CNTN1: variants seen among roughly 807,000 people sequenced by gnomAD.
CNTN1 encodes the protein contactin-1.
Under a neutral mutation model 126.4 loss-of-function variants are expected in CNTN1, and 38 were observed. That is an observed-to-expected ratio of 0.30 (90% CI 0.23 to 0.39). The LOEUF is 0.39. CNTN1 is among the 10% of genes least tolerant of loss of function. The pLI, the probability that CNTN1 is intolerant of heterozygous loss-of-function variation, is 1.00. For missense variants in CNTN1, 1,009 were observed against 1,248.4 expected (o/e 0.81, Z 2.89); for synonymous variants, 413 against 422.6 (o/e 0.98, Z 0.28).
chr12:41,004,698 C>CTT (rs142338153), intron 17 of CNTN1, among the ~76,000 whole-genome samples: 1 of 151,948 alleles, frequency 6.6e-6, no homozygotes, highest in African/African-American at 2.4e-5. Context: ...ATTCCCTTGA[C>CTT]TTTTTTTATC....
At chr12:40,759,733 TGCTGGGATTACAGGCGTGA>T (rs1938771108) in intron 1 of CNTN1, among the ~76,000 whole-genome samples, 1 of 151,282 alleles carries the variant, frequency 6.6e-6, no homozygotes, top group African/African-American at 2.4e-5. Context: ...CCTCCCAAAG[TGCTGGGATTACAGGCGTGA>T]GCCACCTCAC....
At chr12:41,018,134 T>C (rs2120759091) in intron 19 of CNTN1, among the ~76,000 whole-genome samples, 1 of 152,068 alleles carries the variant, frequency 6.6e-6, no homozygotes, top group East Asian at 1.9e-4. Context: ...TCTTTATTCA[T>C]GTGCACTGTG....
At chr12:40,917,263 G>T (rs1945279570) in intron 3 of CNTN1, among the ~76,000 whole-genome samples, 1 of 151,930 alleles carries the variant, frequency 6.6e-6, no homozygotes. Flanking sequence ...GAAGAGATTG[G>T]CAAATTCATG....
At chr12:40,937,056 C>A in intron 10 of CNTN1, 151 bp downstream of exon 10, 2 of 912,762 alleles carry the variant, frequency 2.2e-6, no homozygotes, top group Non-Finnish European at 3.6e-6. Flanking sequence ...AAAAACTGAA[C>A]ATAAAGTATC....
intron 15 of CNTN1, among the ~76,000 whole-genome samples, chr12:40,967,594 GAC>G (rs1947354301): frequency 6.6e-6 from 1 of 152,152 alleles, no homozygotes; most frequent in African/African-American, 2.4e-5. Context: ...GGAGCTTTTA[GAC>G]ACTGCATGCA....
chr12:40,969,381 C>T (rs1027849021), intron 15 of CNTN1, among the ~76,000 whole-genome samples: 64 of 152,192 alleles, frequency 4.2e-4, no homozygotes, highest in Middle Eastern at 3.4e-3. Context: ...TTCTCCAACT[C>T]TAATTGTCAC....
At chr12:40,921,276 G>T (rs1945433661) in intron 4 of CNTN1, among the ~76,000 whole-genome samples, 1 of 120,348 alleles carries the variant, frequency 8.3e-6, no homozygotes, top group Non-Finnish European at 1.8e-5. Flanking sequence ...ATTAGAAGTG[G>T]CCAGGAAATG....
chr12:40,919,370 G>A (rs1286053623), intron 4 of CNTN1, among the ~76,000 whole-genome samples: 3 of 152,088 alleles, frequency 2.0e-5, no homozygotes, highest in African/African-American at 7.2e-5. Flanking sequence ...AAGCAACAAT[G>A]AGTTTTCCTG....
At position 41,071,697 on chromosome 12, in the gene CNTN1, A is replaced by G. The variant is rs1423325899; in HGVS notation, c.*1662A>G. ...CTTTTAAAAATAAGTGAAATGGATG[A>G]TTTCCCAGTGGAAGTATGTCAACAG... On this transcript the variant is annotated 3_prime_UTR_variant, in exon 24 of 24. Transcript: ENST00000551295. 6.6e-6 allele frequency: 1 copy of G among 152,188 alleles called. No homozygotes were observed. The highest frequency in any genetic ancestry group is 1.9e-4 in the East Asian group (1 of 5,200). 9.4% of individuals were successfully genotyped at this position (152,188 alleles called of 1,614,324 possible).
At chr12:40,860,225 T>C (rs1251146486) in intron 1 of CNTN1, among the ~76,000 whole-genome samples, 1 of 152,178 alleles carries the variant, frequency 6.6e-6, no homozygotes, top group East Asian at 1.9e-4. Flanking sequence ...AAGATTATTC[T>C]GTTCTCAAAT....
intron 23 of CNTN1, among the ~76,000 whole-genome samples, chr12:41,038,587 G>A (rs1421495315): frequency 1.3e-5 from 2 of 152,088 alleles, no homozygotes; most frequent in South Asian, 2.1e-4. Context: ...GTACTAGGGG[G>A]TTAGAACTTC....
At chr12:40,868,779 C>A (rs1490235000) in intron 1 of CNTN1, among the ~76,000 whole-genome samples, 1 of 152,074 alleles carries the variant, frequency 6.6e-6, no homozygotes, top group Non-Finnish European at 1.5e-5. Context: ...ATTATAAATT[C>A]TGTGTGGATT....
chr12:40,988,055 C>A (rs17128983), intron 16 of CNTN1, among the ~76,000 whole-genome samples: 5,232 of 152,028 alleles, frequency 0.034, 289 homozygotes, highest in African/African-American at 0.12. Context: ...AGGATTCACA[C>A]CTTCTGAGAT....
chr12:41,069,032 C>A (rs1950107762), intron 23 of CNTN1, among the ~76,000 whole-genome samples: 1 of 152,064 alleles, frequency 6.6e-6, no homozygotes, highest in Non-Finnish European at 1.5e-5. Flanking sequence ...AAGATAGTGC[C>A]TAATAGTTGT....
At chr12:40,788,665 G>A (rs923471753) in intron 1 of CNTN1, among the ~76,000 whole-genome samples, 2 of 152,116 alleles carry the variant, frequency 1.3e-5, no homozygotes, top group African/African-American at 4.8e-5. Flanking sequence ...GGAGGCTTGA[G>A]TCAGCCATAA....
chr12:40,821,722 T>C (rs930109229), intron 1 of CNTN1, among the ~76,000 whole-genome samples: 5 of 152,140 alleles, frequency 3.3e-5, no homozygotes, highest in Non-Finnish European at 5.9e-5. Context: ...CTGTTCACTA[T>C]AGATATTTAT....
At position 40,771,005 on chromosome 12, in the gene CNTN1, G is replaced by A. The variant is rs142922927; in HGVS notation, c.-77+78413G>A. Among the ~76,000 whole-genome samples, 47 of 152,128 alleles carry A rather than the reference G, an allele frequency of 3.1e-4. No individual in the cohort carries two copies. The East Asian group carries it at 6.2e-3, about 20-fold the overall frequency. On this transcript the variant is annotated intron_variant, in intron 1 of 23. Transcript: ENST00000551295. Reference sequence around the variant, plus strand: ...TTTCCAATCCTGTGAGCTGAGTCTTGCTTTGCTTATTGAGTCAGAAACCTC... The same window carrying A: ...TTTCCAATCCTGTGAGCTGAGTCTTACTTTGCTTATTGAGTCAGAAACCTC...
intron 17 of CNTN1, among the ~76,000 whole-genome samples, chr12:40,999,347 C>A (rs1044871829): frequency 1.3e-5 from 2 of 152,016 alleles, no homozygotes; most frequent in Non-Finnish European, 2.9e-5. Context: ...AGTTTAAATT[C>A]TTTTTAATGA....
intron 20 of CNTN1, among the ~76,000 whole-genome samples, chr12:41,021,523 A>T: frequency 6.6e-6 from 1 of 152,160 alleles, no homozygotes; most frequent in East Asian, 1.9e-4. Flanking sequence ...AGGAATAATG[A>T]AGTATGATTA....
Sources: gnomAD v4.1 joint callset for allele counts (sites outside exome capture counted in the v4.1 genomes callset) on GRCh38, gnomAD v4.1.1 for gene constraint, MANE v1.5 for transcripts, NCBI Gene and HGNC (gene_info 2026-07-23, HGNC 2026-07-21) for gene names.